SLC25A41: variants seen among roughly 807,000 people sequenced by gnomAD.
The protein encoded by SLC25A41 is solute carrier family 25 member 41.
In SLC25A41, 35 loss-of-function variants were observed where a neutral mutation model predicts 34.7. The ratio of observed to expected loss-of-function variants is 1.01; its 90% CI spans 0.77 to 1.34. The LOEUF is 1.34. Ranked by LOEUF, SLC25A41 falls within the 40% of genes most tolerant of loss-of-function variation. The pLI is 0.00. For missense variants in SLC25A41, 492 were observed against 489.8 expected (o/e 1.00, Z -0.04); for synonymous variants, 190 against 209.9 (o/e 0.91, Z 0.82).
Position 6,426,297 on chromosome 19 carries a change from T to A in SLC25A41, c.*92A>T. 12 of 883,048 alleles carry A rather than the reference T, an allele frequency of 1.4e-5. No individual in the cohort carries two copies. Among genetic ancestry groups the A allele is most frequent in the Non-Finnish European group, 1.6e-5 (11 of 672,898 alleles). 54.7% of individuals were successfully genotyped at this position (883,048 alleles called of 1,614,324 possible). A position where few individuals can be genotyped will look rare whatever the true frequency, so the allele number is the denominator to read the frequency against. ...TGCCACCAAAAACTGCCCCAGGGCC[T>A]GAACCTTGAGGCCTCGAGGGCTCTT... On this transcript the variant is annotated 3_prime_UTR_variant, in exon 7 of 7. Transcript: ENST00000321510.
upstream of SLC25A41, chr19:6,433,829 C>T: frequency 1.5e-6 from 1 of 677,558 alleles, no homozygotes; most frequent in Non-Finnish European, 2.3e-6. Context: ...CTGTGACCTT[C>T]CTAGGTGTGG....
chr19:6,429,149 A>G (rs2092266577), intron 4 of SLC25A41, among the ~76,000 whole-genome samples: 1 of 45,134 alleles, frequency 2.2e-5, no homozygotes, highest in Non-Finnish European at 3.5e-5. Context: ...TATATAATAT[A>G]TATATTATAT....
Position 6,429,094 on chromosome 19 carries a change from G to GATATATATA in SLC25A41, c.624+629_624+630insTATATATAT, listed in dbSNP as rs2092261813. 8.5e-5 allele frequency among the ~76,000 whole-genome samples: 2 copies of GATATATATA among 23,618 alleles called. 1 individual carries two copies. The highest frequency in any genetic ancestry group is 5.3e-4 in the African/African-American group (2 of 3,750). The allele number at this position is 23,618 out of a possible 152,430, so 15.5% of individuals were successfully genotyped here. ...TATATAATATATATATTATATATAT[G>GATATATATA]TTACATATATATATAATATATATAT... is the stretch of plus-strand genomic sequence containing the variant. On this transcript the variant is annotated intron_variant, in intron 4 of 6. Transcript: ENST00000321510.
rs779494384 is a variant in SLC25A41 at position 6,427,286 on chromosome 19, G to A, written c.793-36C>T. On this transcript the variant is annotated intron_variant, in intron 5 of 6. Transcript: ENST00000321510. This position sits in a 1 kb window ranked among gnomAD's most constrained non-coding sequence, Gnocchi z 4.9. ...AGGGGGCCAGGAGAAAGCTCACTAG[G>A]AGCCTGGGCTCCGGCCAGCCCTGCC... The A allele has an allele frequency of 1.9e-6, 3 of 1,609,042 alleles. No homozygotes were observed. The highest frequency in any genetic ancestry group is 2.7e-5 in the African/African-American group (2 of 74,986).
intron 4 of SLC25A41, among the ~76,000 whole-genome samples, chr19:6,429,187 T>TTA (rs1190103092): frequency 1.6e-5 from 1 of 61,510 alleles, no homozygotes; most frequent in African/African-American, 5.4e-5. Flanking sequence ...TATATATATG[T>TTA]TATATATATA....
rs749504047 is a variant in SLC25A41 at position 6,430,125 on chromosome 19, C to T, written c.400G>A (p.Gly134Arg). Residue 134 changes from glycine to arginine, a missense_variant, in exon 3 of 7, where the codon GGG becomes AGG. Gly to Arg is a moderately radical substitution (Grantham distance 125). Coordinates refer to ENST00000321510, the MANE Select transcript of SLC25A41 (RefSeq NM_173637.4). ...TCCTGGACCATGCTCTGTAGCCCCC[C>T]CAGCAGGTTGGTGAAGTTCGTCTTG... ...SSKTNFTNLL[G>R]GLQSMVQEGG... is the part of the protein sequence containing the mutation. 3.1e-6 allele frequency: 5 copies of T among 1,613,086 alleles called. No homozygotes were observed. Among genetic ancestry groups the T allele is most frequent in the Non-Finnish European group, 2.5e-6 (3 of 1,179,546 alleles).
At chr19:6,431,403 C>T (rs1186002335) in intron 2 of SLC25A41, among the ~76,000 whole-genome samples, 3 of 151,712 alleles carry the variant, frequency 2.0e-5, no homozygotes, top group Admixed American at 2.0e-4. Flanking sequence ...TGTGAGATAT[C>T]CTGCTTGAGG....
rs1427334348 is a variant in SLC25A41 at position 6,429,039 on chromosome 19, A to ATATAT, written c.624+684_624+685insATATA. The stretch of plus-strand genomic sequence containing the variant: ...CCTGAAAATTTATATATATATATAT[A>ATATAT]ATATATATATTATATATATGTTATA... On this transcript the variant is annotated intron_variant, in intron 4 of 6. Transcript: ENST00000321510. Among the ~76,000 whole-genome samples, 4 of 26,984 alleles carry ATATAT rather than the reference A, an allele frequency of 1.5e-4. No homozygotes were observed. In the Admixed American group the frequency reaches 2.8e-3, roughly 19 times the overall value. 17.7% of individuals were successfully genotyped at this position (26,984 alleles called of 152,430 possible).
chr19:6,427,301 C>T lies in SLC25A41; in HGVS notation c.792+33G>A, dbSNP rs770238573. The T allele has an allele frequency of 6.2e-7, 1 of 1,605,938 alleles. No individual in the cohort carries two copies. Among genetic ancestry groups the T allele is most frequent in the East Asian group, 2.2e-5 (1 of 44,746 alleles). ...AGCTCACTAGGAGCCTGGGCTCCGG[C>T]CAGCCCTGCCACCCCCTCTGCAGGA... On this transcript the variant is annotated intron_variant, in intron 5 of 6. Transcript: ENST00000321510. This position sits in a 1 kb window ranked among gnomAD's most constrained non-coding sequence, Gnocchi z 4.9.
rs1178956812 is a variant in SLC25A41 at position 6,432,090 on chromosome 19, T to G, written c.322A>C (p.Thr108Pro). 2.5e-6 allele frequency: 4 copies of G among 1,613,790 alleles called. No homozygotes were observed. The highest frequency in any genetic ancestry group is 1.3e-5 in the African/African-American group (1 of 74,906). Residue 108 changes from threonine to proline, a missense_variant, in exon 2 of 7, where the codon ACG becomes CCG. Thr to Pro is a conservative substitution (Grantham distance 38). Transcript: ENST00000321510. The stretch of plus-strand genomic sequence containing the variant: ...GCTCTGTCCAGAGGTGCCGTGCCCG[T>G]GCGAGACACCGCCCCGGCCATAGCT... ...SGAMAGAVSRTGTAPLDRAKV... is the reference protein window; with the variant it reads ...SGAMAGAVSRPGTAPLDRAKV...
chr19:6,433,388 C>T lies in SLC25A41; in HGVS notation c.207+99G>A, dbSNP rs545280437. ...CTGCTTCAAGGTGGAATTCTAGGTC[C>T]GCTAGCAGGGGAGTGGGCCTGTAGA... is the stretch of plus-strand genomic sequence containing the variant. On this transcript the variant is annotated intron_variant, in intron 1 of 6. Coordinates refer to ENST00000321510, the MANE Select transcript of SLC25A41 (RefSeq NM_173637.4). 900 of 1,229,742 alleles carry T rather than the reference C, an allele frequency of 7.3e-4. 3 individuals carry two copies. In the African/African-American group the frequency reaches 0.011, roughly 14 times the overall value. The allele number at this position is 1,229,742 out of a possible 1,614,324, so 76.2% of individuals were successfully genotyped here.
rs1283881779 is a variant in SLC25A41, at chr19:6,427,330, A to T, written c.792+4T>A. ...CCCTGCCACCCCCTCTGCAGGACCC[A>T]TACCTCATAGACAGCCAGGTCGGTG... On this transcript the variant is annotated splice_donor_region_variant and intron_variant, in intron 5 of 6. Coordinates refer to ENST00000321510, the MANE Select transcript of SLC25A41 (RefSeq NM_173637.4). The surrounding 1 kb of genome is among the most constrained non-coding windows in gnomAD (Gnocchi z 4.9). 3 of 1,606,378 alleles carry T rather than the reference A, an allele frequency of 1.9e-6. No individual in the cohort carries two copies. The highest frequency in any genetic ancestry group is 3.4e-5 in the Admixed American group (2 of 59,658).
Position 6,427,012 on chromosome 19 carries a change from G to A in SLC25A41, c.940+91C>T. On this transcript the variant is annotated intron_variant, in intron 6 of 6. Transcript: ENST00000321510. This position sits in a 1 kb window ranked among gnomAD's most constrained non-coding sequence, Gnocchi z 4.9. ...TGGGCTGGGATCAGACACGGAGGGT[G>A]CCGGACTCAGTTTTGGGGTATGAGA... 3 of 1,414,966 alleles carry A rather than the reference G, an allele frequency of 2.1e-6. No individual in the cohort carries two copies. The highest frequency in any genetic ancestry group is 4.2e-5 in the Admixed American group (2 of 48,122). 87.7% of individuals were successfully genotyped at this position (1,414,966 alleles called of 1,614,324 possible).
chr19:6,433,739 G>C lies in SLC25A41; in HGVS notation c.-46C>G, dbSNP rs771134992. ...GCTTCAAATCCCTAAGCAGTTGTTT[G>C]CTGCTCCAGCTACCATGCGGGAGTG... On this transcript the variant is annotated 5_prime_UTR_variant, in exon 1 of 7. Coordinates refer to ENST00000321510, the MANE Select transcript of SLC25A41 (RefSeq NM_173637.4). 9.8e-6 allele frequency: 14 copies of C among 1,428,050 alleles called. No individual in the cohort carries two copies. In the South Asian group the frequency reaches 1.3e-4, roughly 13 times the overall value. The allele number at this position is 1,428,050 out of a possible 1,614,324, so 88.5% of individuals were successfully genotyped here. A position where few individuals can be genotyped will look rare whatever the true frequency, so the allele number is the denominator to read the frequency against.
Position 6,427,025 on chromosome 19 carries a change from T to A in SLC25A41, c.940+78A>T. 1.3e-6 allele frequency: 2 copies of A among 1,493,052 alleles called. No individual in the cohort carries two copies. The highest frequency in any genetic ancestry group is 1.8e-6 in the Non-Finnish European group (2 of 1,104,138). The allele number at this position is 1,493,052 out of a possible 1,614,324, so 92.5% of individuals were successfully genotyped here. On this transcript the variant is annotated intron_variant, in intron 6 of 6. Coordinates refer to ENST00000321510, the MANE Select transcript of SLC25A41 (RefSeq NM_173637.4). This position sits in a 1 kb window ranked among gnomAD's most constrained non-coding sequence, Gnocchi z 4.9. ...GACACGGAGGGTGCCGGACTCAGTT[T>A]TGGGGTATGAGAAAATTGAGACAGC...
At chr19:6,435,019 T>C (rs558349951), upstream of SLC25A41, among the ~76,000 whole-genome samples, 27 of 151,692 alleles carry the variant, frequency 1.8e-4, no homozygotes, top group African/African-American at 6.1e-4. Flanking sequence ...GCCCAGGAGT[T>C]CAAGACCACC....
At chr19:6,429,493 G>GGGAGAAAGGAGGAGGAGGAGAGGAGGAA (rs1448318790) in intron 4 of SLC25A41, among the ~76,000 whole-genome samples, 10 of 128,394 alleles carry the variant, frequency 7.8e-5, no homozygotes, top group South Asian at 5.4e-4. Context: ...GGGAGGAGGA[G>GGGAGAAAGGAGGAGGAGGAGAGGAGGAA]GGAGAAAGGA....
intron 4 of SLC25A41, among the ~76,000 whole-genome samples, 167 bp downstream of exon 4, chr19:6,429,554 AAGG>A (rs1425908612): frequency 2.4e-5 from 2 of 84,868 alleles, no homozygotes; most frequent in African/African-American, 4.7e-5. Context: ...AGGAGGGAGA[AAGG>A]AGGAGGGGAG....
Position 6,426,260 on chromosome 19 carries a change from CCAG to C in SLC25A41, c.*126_*128del. On this transcript the variant is annotated 3_prime_UTR_variant, in exon 7 of 7. Transcript: ENST00000321510. ...CTGACCCAGAGCCCCACCCCCACCC[CCAG>C]CCTGCTTTTGCCACCAAAAACTGCC... The C allele has an allele frequency of 1.5e-6, 1 of 670,486 alleles. No individual in the cohort carries two copies. Among genetic ancestry groups the C allele is most frequent in the Non-Finnish European group, 2.2e-6 (1 of 464,308 alleles). The allele number at this position is 670,486 out of a possible 1,614,324, so 41.5% of individuals were successfully genotyped here.
Sources: allele counts gnomAD v4.1 joint callset (sites outside exome capture counted in the v4.1 genomes callset), GRCh38; gene constraint gnomAD v4.1.1; non-coding constraint Gnocchi (gnomAD v3.1); transcripts MANE v1.5; gene names NCBI Gene and HGNC (gene_info 2026-07-23, HGNC 2026-07-21).